FYCO1: variants seen among roughly 807,000 people sequenced by gnomAD.
The protein encoded by FYCO1 is FYVE and coiled-coil domain-containing protein 1.
Under a neutral mutation model 165.1 loss-of-function variants are expected in FYCO1, and 122 were observed. The ratio of observed to expected loss-of-function variants is 0.74; its 90% CI spans 0.64 to 0.86. FYCO1 has a LOEUF of 0.86. Ranked by LOEUF, FYCO1 falls within the 40% of genes least tolerant of loss-of-function variation. The pLI is 0.00. For synonymous variants in FYCO1, 648 were observed against 742.5 expected (o/e 0.87, Z 2.07); for missense variants, 1,702 against 1,810.3 (o/e 0.94, Z 1.09).
chr3:45,954,152 C>T (rs1001505402), intron 14 of FYCO1, among the ~76,000 whole-genome samples: 3 of 152,234 alleles, frequency 2.0e-5, no homozygotes, highest in Non-Finnish European at 4.4e-5. Context: ...CCGCATGCAG[C>T]CCATGACTTT....
intron 1 of FYCO1, among the ~76,000 whole-genome samples, chr3:45,992,731 TG>T (rs1466715031): frequency 1.3e-5 from 2 of 152,174 alleles, no homozygotes; most frequent in Non-Finnish European, 2.9e-5. Flanking sequence ...TCTCAGTGGC[TG>T]AGGCTTCTAA....
chr3:45,940,035 C>G (rs1428259090), intron 14 of FYCO1, among the ~76,000 whole-genome samples: 2 of 152,244 alleles, frequency 1.3e-5, no homozygotes, highest in Admixed American at 6.5e-5. Flanking sequence ...AACCACACCA[C>G]ACACATCATA....
chr3:45,936,494 C>G lies in FYCO1; in HGVS notation c.3994G>C (p.Val1332Leu), dbSNP rs759599621. 1 of 1,614,046 alleles carries G rather than the reference C, an allele frequency of 6.2e-7. No homozygotes were observed. Among genetic ancestry groups the G allele is most frequent in the Admixed American group, 1.7e-5 (1 of 60,030 alleles). The change falls in exon 15 of 18, where the codon GTG becomes CTG. Residue 1332 changes from valine (V) to leucine (L), a missense_variant. By Grantham distance (32) the Val-to-Leu change is conservative. Coordinates refer to ENST00000296137, the MANE Select transcript of FYCO1 (RefSeq NM_024513.4). ...LTPEDTEDMP[V>L]GQDSEICLLK... The stretch of plus-strand genomic sequence containing the variant: ...AGGCAGATTTCCGAATCCTGCCCCA[C>G]GGGCATGTCTTCAGTGTCCTCAGGC...
chr3:45,931,019 A>C (rs1439414338), intron 16 of FYCO1, 52 bp downstream of exon 16: 6 of 1,556,950 alleles, frequency 3.9e-6, no homozygotes, highest in Non-Finnish European at 5.3e-6. Context: ...AGGCCTGCCC[A>C]AGTACCCAGA....
chr3:45,967,779 C>G lies in FYCO1; in HGVS notation c.1555G>C (p.Glu519Gln), dbSNP rs766099879. The change falls in exon 8 of 18, where the codon GAG becomes CAG. Residue 519 changes from glutamate to glutamine, a missense_variant. Transcript: ENST00000296137. ...TGGCTCACCTGTGCCAGCTGGGTCTCCAGGAACTGCAGCTGCCGGGTCAGA... is the reference window on the plus strand; with the variant it reads ...TGGCTCACCTGTGCCAGCTGGGTCTGCAGGAACTGCAGCTGCCGGGTCAGA... ...RSLTRQLQFL[E>Q]TQLAQVSQHV... is the part of the protein sequence containing the mutation. 1.9e-6 allele frequency: 3 copies of G among 1,613,844 alleles called. No homozygotes were observed. In the South Asian group the frequency reaches 3.3e-5, roughly 18 times the overall value.
At chr3:45,961,182 C>G (rs950066425) in intron 11 of FYCO1, among the ~76,000 whole-genome samples, 7 of 152,152 alleles carry the variant, frequency 4.6e-5, no homozygotes, top group Non-Finnish European at 8.8e-5. Flanking sequence ...TGAAAATATT[C>G]TAAGGCAATC....
chr3:45,954,449 C>G (rs1249267700), intron 14 of FYCO1, among the ~76,000 whole-genome samples: 3 of 152,166 alleles, frequency 2.0e-5, no homozygotes, highest in African/African-American at 7.2e-5. Context: ...CATACTCTGC[C>G]TTCATCACTC....
chr3:45,973,574 T>C (rs1422122080), intron 5 of FYCO1, among the ~76,000 whole-genome samples: 1 of 152,212 alleles, frequency 6.6e-6, no homozygotes, highest in Non-Finnish European at 1.5e-5. Context: ...TACTACCTAT[T>C]CCATTTTCAG....
chr3:45,988,516 A>G (rs1345848165), intron 1 of FYCO1, among the ~76,000 whole-genome samples: 2 of 152,160 alleles, frequency 1.3e-5, no homozygotes, highest in Non-Finnish European at 2.9e-5. Flanking sequence ...CTGCCCCAGC[A>G]CCAGCGTAAG....
chr3:45,938,067 A>T, intron 14 of FYCO1: 1 of 431,850 alleles, frequency 2.3e-6, no homozygotes, highest in Non-Finnish European at 4.5e-6. Flanking sequence ...TGAGAGAGAC[A>T]CTGAAAGCTG....
At chr3:45,995,540 G>T (rs1332671631) in intron 1 of FYCO1, among the ~76,000 whole-genome samples, 182 bp downstream of exon 1, 1 of 152,258 alleles carries the variant, frequency 6.6e-6, no homozygotes, top group Admixed American at 6.5e-5. Flanking sequence ...ACCTGCCCGA[G>T]GTGCTTCCCG....
At chr3:45,975,197 T>C in intron 5 of FYCO1, 42 bp downstream of exon 5, 1 of 1,325,120 alleles carries the variant, frequency 7.5e-7, no homozygotes, top group Non-Finnish European at 1.1e-6. Flanking sequence ...AGTTCATTTC[T>C]GCACGGGATG....
intron 1 of FYCO1, among the ~76,000 whole-genome samples, chr3:45,987,701 T>C (rs62242796): frequency 0.22 from 34,189 of 152,210 alleles, 3,975 homozygotes; most frequent in Middle Eastern, 0.36. Context: ...CCACTGGGTC[T>C]GTGTGTACAC....
intron 14 of FYCO1, among the ~76,000 whole-genome samples, chr3:45,953,471 T>C (rs1559452810): frequency 6.6e-6 from 1 of 152,254 alleles, no homozygotes; most frequent in Admixed American, 6.5e-5. Context: ...TCCCATGTCA[T>C]AAACTCTTGA....
At chr3:45,944,622 T>C (rs995068129) in intron 14 of FYCO1, among the ~76,000 whole-genome samples, 2 of 152,208 alleles carry the variant, frequency 1.3e-5, no homozygotes. Context: ...AAGTAATTTT[T>C]CATACTCTAT....
In FYCO1 at chr3:45,956,201, T is replaced by C. The variant is rs573873134; in HGVS notation, c.3800-808A>G. ...AAATATAAAAATTAGCCAGGTGTGGTGGCGGGCACCTGTAATCCCAGCTAC... is the reference window on the plus strand; with the variant it reads ...AAATATAAAAATTAGCCAGGTGTGGCGGCGGGCACCTGTAATCCCAGCTAC... On this transcript the variant is annotated intron_variant, in intron 13 of 17. Transcript: ENST00000296137. Among the ~76,000 whole-genome samples, 102 of 152,106 alleles carry C rather than the reference T, an allele frequency of 6.7e-4. 2 individuals are homozygous for C. The South Asian group carries it at 0.021, about 32-fold the overall frequency.
At chr3:45,931,363 G>A in intron 15 of FYCO1, 82 bp from the exon 16 acceptor site, 3 of 1,362,612 alleles carry the variant, frequency 2.2e-6, no homozygotes, top group Non-Finnish European at 3.1e-6. Flanking sequence ...TGGCTCAGAG[G>A]TGGCTGGAGA....
At chr3:45,939,971 GTC>G (rs2125810824) in intron 14 of FYCO1, among the ~76,000 whole-genome samples, 1 of 152,356 alleles carries the variant, frequency 6.6e-6, no homozygotes, top group Admixed American at 6.5e-5. Context: ...TACAGCACAG[GTC>G]TCTCACAGCA....
Position 45,955,332 on chromosome 3 carries a change from T to G in FYCO1, c.3861A>C (p.Glu1287Asp). 1.2e-6 allele frequency: 2 copies of G among 1,614,112 alleles called. No homozygotes were observed. Among genetic ancestry groups the G allele is most frequent in the African/African-American group, 2.7e-5 (2 of 75,044 alleles). ...DAVFDIITDE[E>D]LCQIQESGSS... ...AGCCGGACTCCTGTATCTGGCACAA[T>G]TCCTCATCTGTGATGATATCAAACA... is the stretch of plus-strand genomic sequence containing the variant. Residue 1287 changes from glutamate to aspartate, a missense_variant, in exon 14 of 18, where the codon GAA becomes GAC. Coordinates refer to ENST00000296137, the MANE Select transcript of FYCO1 (RefSeq NM_024513.4).
Sources: gnomAD v4.1 joint callset for allele counts (sites outside exome capture counted in the v4.1 genomes callset) on GRCh38, gnomAD v4.1.1 for gene constraint, MANE v1.5 for transcripts, NCBI Gene and HGNC (gene_info 2026-07-23, HGNC 2026-07-21) for gene names.